Variants in PARD3B observed in about 807,000 individuals in gnomAD.
The protein encoded by PARD3B is partitioning defective 3 homolog B.
PARD3B carries 103 observed loss-of-function variants against 130.2 expected under a neutral mutation model. That is an observed-to-expected ratio of 0.79 (90% CI 0.67 to 0.93). The LOEUF is 0.93. PARD3B is among the 40% of genes least tolerant of loss of function. PARD3B has a pLI of 0.00. For synonymous variants in PARD3B, 583 were observed against 553.2 expected, an observed-to-expected ratio of 1.05 and a Z score of -0.76; for missense variants, 1,609 against 1,499.2, an observed-to-expected ratio of 1.07 and a Z score of -1.21.
At chr2:205,181,379 T>A (rs1321013344) in intron 13 of PARD3B, among the ~76,000 whole-genome samples, 3 of 152,266 alleles carry the variant, frequency 2.0e-5, no homozygotes, top group Admixed American at 6.5e-5. Context: ...ACCTCCATTG[T>A]GCAGAATACA....
intron 20 of PARD3B, among the ~76,000 whole-genome samples, chr2:205,449,874 T>G (rs2048038824): frequency 6.6e-6 from 1 of 152,244 alleles, no homozygotes; most frequent in Non-Finnish European, 1.5e-5. Flanking sequence ...TAGCCAAAAC[T>G]ATCTCATAAA....
At chr2:204,808,268 T>C (rs2125517025) in intron 2 of PARD3B, among the ~76,000 whole-genome samples, 1 of 152,282 alleles carries the variant, frequency 6.6e-6, no homozygotes, top group Middle Eastern at 3.4e-3. Context: ...AATCACTTAT[T>C]TGTACACATT....
chr2:204,741,460 A>G (rs2040007563), intron 2 of PARD3B, among the ~76,000 whole-genome samples: 1 of 152,114 alleles, frequency 6.6e-6, no homozygotes, highest in South Asian at 2.1e-4. Flanking sequence ...CTGCGACACT[A>G]ACTCTCCTCA....
rs894008535 is a variant in PARD3B, at chr2:204,930,202, GT to G, written c.223-34940del. On this transcript the variant is annotated intron_variant, in intron 2 of 22. Transcript: ENST00000406610. ...AACCCTGTGTTCATTTACATTCTAT[GT>G]TTTTTTTTTCCTTTTCATTTTCTAT... Among the ~76,000 whole-genome samples the G allele has an allele frequency of 5.0e-4, 73 of 147,048 alleles. No homozygotes were observed. In the East Asian group the frequency reaches 6.2e-3, roughly 12 times the overall value.
At chr2:205,245,468 G>A (rs2039531957) in intron 15 of PARD3B, among the ~76,000 whole-genome samples, 1 of 152,210 alleles carries the variant, frequency 6.6e-6, no homozygotes, top group African/African-American at 2.4e-5. Flanking sequence ...CTGGGTCTAT[G>A]AATTTGGTTT....
intron 2 of PARD3B, among the ~76,000 whole-genome samples, chr2:204,699,195 C>A (rs1364179055): frequency 2.0e-5 from 3 of 152,020 alleles, no homozygotes; most frequent in Non-Finnish European, 4.4e-5. Flanking sequence ...CCTGGTGTAG[C>A]AAGTAAAGCC....
chr2:205,209,897 T>C (rs1352726926), intron 15 of PARD3B, among the ~76,000 whole-genome samples: 1 of 152,062 alleles, frequency 6.6e-6, no homozygotes, highest in East Asian at 1.9e-4. Flanking sequence ...TTAAAATAAC[T>C]AAAGGATTAC....
intron 14 of PARD3B, among the ~76,000 whole-genome samples, chr2:205,186,296 C>A (rs1399678810): frequency 6.6e-6 from 1 of 151,976 alleles, no homozygotes; most frequent in African/African-American, 2.4e-5. Flanking sequence ...AAAATTAAAG[C>A]AACACCATAT....
rs1186285003 is a variant in PARD3B, at chr2:205,617,420, T to C, written c.*1607T>C. 1 of 152,180 alleles carries C rather than the reference T, an allele frequency of 6.6e-6. No homozygotes were observed. The highest frequency in any genetic ancestry group is 1.5e-5 in the Non-Finnish European group (1 of 68,034). The allele number at this position is 152,180 out of a possible 1,614,324, so 9.4% of individuals were successfully genotyped here. A position where few individuals can be genotyped will look rare whatever the true frequency, so the allele number is the denominator to read the frequency against. ...CATACCTCTGACTCACAGGATTTAATAAATTATAGTATTATTGAATACATA... is the reference window on the plus strand; with the variant it reads ...CATACCTCTGACTCACAGGATTTAACAAATTATAGTATTATTGAATACATA... On this transcript the variant is annotated 3_prime_UTR_variant, in exon 23 of 23. Transcript: ENST00000406610.
intron 7 of PARD3B, among the ~76,000 whole-genome samples, chr2:205,119,633 T>A (rs1383860659): frequency 6.6e-6 from 1 of 151,646 alleles, no homozygotes; most frequent in Non-Finnish European, 1.5e-5. Flanking sequence ...ACGAGAAAAA[T>A]TAGCCAGGCG....
At chr2:205,238,660 C>T (rs1226167534) in intron 15 of PARD3B, among the ~76,000 whole-genome samples, 2 of 150,260 alleles carry the variant, frequency 1.3e-5, no homozygotes, top group African/African-American at 2.4e-5. Flanking sequence ...GGTGAAACCC[C>T]GTCTTTACTA....
intron 21 of PARD3B, among the ~76,000 whole-genome samples, chr2:205,507,507 C>A (rs1197756958): frequency 6.6e-6 from 1 of 152,008 alleles, no homozygotes; most frequent in African/African-American, 2.4e-5. Flanking sequence ...AGCCACCGCA[C>A]CCGGCCACAA....
rs1037683175 is a variant in PARD3B at position 205,158,444 on chromosome 2, G to A, written c.1435-278G>A. Among the ~76,000 whole-genome samples, 3 of 152,080 alleles carry A rather than the reference G, an allele frequency of 2.0e-5. No homozygotes were observed. The highest frequency in any genetic ancestry group is 7.2e-5 in the African/African-American group (3 of 41,418). On this transcript the variant is annotated intron_variant, in intron 10 of 22. Coordinates refer to ENST00000406610, the MANE Select transcript of PARD3B (RefSeq NM_001302769.2). This position sits in a 1 kb window ranked among gnomAD's most constrained non-coding sequence, Gnocchi z 5.4. ...TCTTAGTAAATTTCCAAAGGCTTGC[G>A]AGGTGTTTCAGATTGCATCGCTCTG...
intron 21 of PARD3B, among the ~76,000 whole-genome samples, chr2:205,547,966 C>T (rs2052450065): frequency 1.3e-5 from 2 of 152,158 alleles, no homozygotes; most frequent in Non-Finnish European, 2.9e-5. Flanking sequence ...TGCACTAACA[C>T]ACAGTCCCTG....
At chr2:204,725,855 T>C (rs1217649470) in intron 2 of PARD3B, among the ~76,000 whole-genome samples, 3 of 152,208 alleles carry the variant, frequency 2.0e-5, no homozygotes, top group Non-Finnish European at 4.4e-5. Context: ...AATTCTGATA[T>C]GATTCCTACC....
chr2:205,207,913 C>A (rs1428573067), intron 15 of PARD3B, among the ~76,000 whole-genome samples: 10 of 119,580 alleles, frequency 8.4e-5, no homozygotes, highest in Admixed American at 6.8e-4. Context: ...GAGACACAAC[C>A]AAAAAAGAGA....
chr2:205,416,676 A>G (rs2046786639), intron 19 of PARD3B, among the ~76,000 whole-genome samples: 1 of 152,192 alleles, frequency 6.6e-6, no homozygotes, highest in Non-Finnish European at 1.5e-5. Context: ...GGCTGATATC[A>G]TATAAACTAT....
chr2:204,653,399 G>C (rs2035546766), intron 1 of PARD3B, among the ~76,000 whole-genome samples: 4 of 150,896 alleles, frequency 2.7e-5, no homozygotes, highest in Non-Finnish European at 4.4e-5. Flanking sequence ...ATGTGTTTTT[G>C]ATAAACACCT....
At chr2:204,998,368 GTGTGTGTATATA>G (rs1559341533) in intron 3 of PARD3B, among the ~76,000 whole-genome samples, 1,294 of 96,722 alleles carry the variant, frequency 0.013, 47 homozygotes, top group Middle Eastern at 0.033. Flanking sequence ...ATGTGTGTGT[GTGTGTGTATATA>G]TGTGTGTGTA....
Sources: gnomAD v4.1 joint callset for allele counts (sites outside exome capture counted in the v4.1 genomes callset) on GRCh38, gnomAD v4.1.1 for gene constraint, Gnocchi (gnomAD v3.1) non-coding constraint, MANE v1.5 for transcripts, NCBI Gene and HGNC (gene_info 2026-07-23, HGNC 2026-07-21) for gene names.